The following NR6A1 variants were observed in gnomAD, a reference collection of about 807,000 sequenced individuals.
NR6A1 encodes nuclear receptor subfamily 6 group A member 1, also known as retinoic acid receptor-related testis-associated receptor.
A neutral mutation model predicts 59.1 loss-of-function variants in NR6A1; 7 were observed. That is an observed-to-expected ratio of 0.12 (90% CI 0.07 to 0.22). The LOEUF (loss-of-function observed/expected upper bound fraction) is 0.22, where lower values mean the gene tolerates loss of function less well. Among genes scored for constraint, NR6A1 ranks in the 10% least tolerant of loss-of-function variants. The pLI is 1.00. For missense variants in NR6A1, 468 were observed against 611.6 expected (o/e 0.77, Z 2.48); for synonymous variants, 243 against 236.1 (o/e 1.03, Z -0.27).
At position 124,536,083 on chromosome 9, in the gene NR6A1, C is replaced by T. The variant is rs1240685689; in HGVS notation, c.874G>A (p.Asp292Asn). Reference sequence around the variant, plus strand: ...GCAATCTGCCTAAAGAGCAGCTCGTCGGCCAGGCGGCAAAGCAGGGCAAAT... The same window carrying T: ...GCAATCTGCCTAAAGAGCAGCTCGTTGGCCAGGCGGCAAAGCAGGGCAAAT... ...ELFALLCRLA[D>N]ELLFRQIAWI... Residue 292 changes from aspartate to asparagine, a missense_variant, in exon 7 of 10, where the codon GAC (aspartate) becomes AAC (asparagine). Physicochemically the swap from Asp to Asn is conservative, Grantham distance 23. Coordinates refer to ENST00000487099, the MANE Select transcript of NR6A1 (RefSeq NM_033334.4). The T allele has an allele frequency of 1.2e-6, 2 of 1,614,094 alleles. No homozygotes were observed. The highest frequency in any genetic ancestry group is 1.7e-6 in the Non-Finnish European group (2 of 1,179,970).
At chr9:124,763,027 T>C (rs1404138442) in intron 1 of NR6A1, among the ~76,000 whole-genome samples, 1 of 152,184 alleles carries the variant, frequency 6.6e-6, no homozygotes, top group Non-Finnish European at 1.5e-5. Flanking sequence ...CTGAATCAAG[T>C]ATAGTTTAAT....
intron 2 of NR6A1, among the ~76,000 whole-genome samples, chr9:124,576,375 C>T (rs1173097496): frequency 2.0e-5 from 3 of 152,194 alleles, no homozygotes; most frequent in Non-Finnish European, 2.9e-5. Context: ...GCAACTTCCA[C>T]CTCCCGGGTT....
At position 124,538,161 on chromosome 9, in the gene NR6A1, C is replaced by T; in HGVS notation, c.755G>A (p.Ser252Asn). Residue 252 changes from serine (S) to asparagine (N), a missense_variant, in exon 6 of 10, where the codon AGT becomes AAT. Around this residue, in one of 4 missense-constraint regions of NR6A1, gnomAD observed 151 missense variants for 142.8 expected, o/e 1.06. Coordinates refer to ENST00000487099, the MANE Select transcript of NR6A1 (RefSeq NM_033334.4). ...GGCTGATAACAGCTGGTGAATCAGA[C>T]TGTATGACTGGGGATCCAGGCTGCG... is the stretch of plus-strand genomic sequence containing the variant. ...QARSLDPQSY[S>N]LIHQLLSAED... The T allele has an allele frequency of 6.2e-7, 1 of 1,614,192 alleles. No individual in the cohort carries two copies. The highest frequency in any genetic ancestry group is 8.5e-7 in the Non-Finnish European group (1 of 1,180,018).
intron 2 of NR6A1, among the ~76,000 whole-genome samples, chr9:124,656,510 T>C (rs1407430652): frequency 6.6e-6 from 1 of 152,126 alleles, no homozygotes; most frequent in Non-Finnish European, 1.5e-5. Context: ...ATTCCACTTA[T>C]ATGAGGTATC....
chr9:124,742,301 G>A (rs984087125), intron 1 of NR6A1, among the ~76,000 whole-genome samples: 4 of 152,170 alleles, frequency 2.6e-5, no homozygotes, highest in Non-Finnish European at 4.4e-5. Flanking sequence ...GGTGGCTCAC[G>A]CCTCTAATCC....
Position 124,582,579 on chromosome 9 carries a change from T to TAA in NR6A1, c.143-28011_143-28010dup, listed in dbSNP as rs1011600360. 2.5e-4 allele frequency among the ~76,000 whole-genome samples: 35 copies of TAA among 142,262 alleles called. 1 individual carries two copies. Among genetic ancestry groups the TAA allele is most frequent in the African/African-American group, 8.7e-4 (34 of 38,938 alleles). The allele number at this position is 142,262 out of a possible 152,430, so 93.3% of individuals were successfully genotyped here. On this transcript the variant is annotated intron_variant, in intron 2 of 9. Transcript: ENST00000487099. Reference sequence around the variant, plus strand: ...CACATGTACCCCTGAACTTAAAAGTTAAAAAAAAAAAAAGAAATGGTTCTG... The same window carrying TAA: ...CACATGTACCCCTGAACTTAAAAGTTAAAAAAAAAAAAAAAGAAATGGTTCTG...
intron 7 of NR6A1, among the ~76,000 whole-genome samples, chr9:124,528,070 G>A (rs1183578302): frequency 1.3e-5 from 2 of 152,236 alleles, no homozygotes; most frequent in East Asian, 3.9e-4. Context: ...GCGCACTACA[G>A]GCCTGTGCCA....
intron 2 of NR6A1, among the ~76,000 whole-genome samples, chr9:124,657,995 T>C (rs1389533976): frequency 6.6e-6 from 1 of 152,230 alleles, no homozygotes; most frequent in East Asian, 1.9e-4. Flanking sequence ...TTGGTCTGGA[T>C]ATGAAGCTTG....
In NR6A1 at chr9:124,771,045, G is replaced by A. The variant is rs1023089285; in HGVS notation, c.75C>T (p.Ala25=). The part of the protein sequence containing the change: ...GGSAGFLEPP[A]ALPPPPRNGF... ...CGTTGCGCGGCGGCGGAGGGAGCGC[G>A]GCGGGAGGCTCCAGGAACCCCGCCG... The change falls in exon 1 of 10, where the codon GCC becomes GCT. Residue 25 remains alanine (A), a synonymous_variant. Transcript: ENST00000487099. 8 of 1,230,530 alleles carry A rather than the reference G, an allele frequency of 6.5e-6. No individual in the cohort carries two copies. In the East Asian group the frequency reaches 2.2e-4, roughly 34 times the overall value. 76.2% of individuals were successfully genotyped at this position (1,230,530 alleles called of 1,614,324 possible).
intron 2 of NR6A1, among the ~76,000 whole-genome samples, chr9:124,568,379 G>C (rs1259705277): frequency 1.3e-5 from 2 of 151,330 alleles, no homozygotes; most frequent in Non-Finnish European, 2.9e-5. Context: ...CCAGGTAGTT[G>C]GGAGGCTGAG....
intron 2 of NR6A1, among the ~76,000 whole-genome samples, chr9:124,726,205 G>T (rs181448710): frequency 6.6e-6 from 1 of 152,254 alleles, no homozygotes; most frequent in East Asian, 1.9e-4. Context: ...AGTAGTGACT[G>T]TAACTGTGTA....
At chr9:124,730,903 G>A (rs1248318953) in intron 2 of NR6A1, among the ~76,000 whole-genome samples, 1 of 152,134 alleles carries the variant, frequency 6.6e-6, no homozygotes, top group Non-Finnish European at 1.5e-5. Context: ...ACAAGAACAA[G>A]AGCTATACTT....
At chr9:124,626,457 T>C (rs1836243690) in intron 2 of NR6A1, among the ~76,000 whole-genome samples, 1 of 152,248 alleles carries the variant, frequency 6.6e-6, no homozygotes. Context: ...TCTAGTTTTG[T>C]TTAGAATTCA....
intron 2 of NR6A1, among the ~76,000 whole-genome samples, chr9:124,567,216 C>G (rs990073792): frequency 6.6e-6 from 1 of 152,060 alleles, no homozygotes; most frequent in Non-Finnish European, 1.5e-5. Flanking sequence ...AATGAAGAAT[C>G]TGGGAGTCCT....
At chr9:124,672,650 C>G (rs1313082240) in intron 2 of NR6A1, among the ~76,000 whole-genome samples, 1 of 152,076 alleles carries the variant, frequency 6.6e-6, no homozygotes, top group Non-Finnish European at 1.5e-5. Context: ...TCAAGTTTCC[C>G]AGATGCTACT....
rs570174257 is a variant in NR6A1 at position 124,712,696 on chromosome 9, T to C, written c.142+20612A>G. 6.0e-4 allele frequency among the ~76,000 whole-genome samples: 91 copies of C among 152,012 alleles called. 1 individual carries two copies. The South Asian group carries it at 0.018, about 31-fold the overall frequency. On this transcript the variant is annotated intron_variant, in intron 2 of 9. Coordinates refer to ENST00000487099, the MANE Select transcript of NR6A1 (RefSeq NM_033334.4). Reference sequence around the variant, plus strand: ...TTCTACACATAATCACAAAAATCCATTAACAAAATATTACCAAGTTGAATT... The same window carrying C: ...TTCTACACATAATCACAAAAATCCACTAACAAAATATTACCAAGTTGAATT...
chr9:124,597,279 A>AC (rs1370387384), intron 2 of NR6A1, among the ~76,000 whole-genome samples: 2 of 95,672 alleles, frequency 2.1e-5, no homozygotes, highest in Non-Finnish European at 4.1e-5. Context: ...CAGCTTTCCC[A>AC]CCCCCCACCC....
intron 2 of NR6A1, among the ~76,000 whole-genome samples, chr9:124,609,638 C>A (rs776663747): frequency 6.6e-6 from 1 of 152,128 alleles, no homozygotes; most frequent in Non-Finnish European, 1.5e-5. Flanking sequence ...TTTCCTAATT[C>A]TTTGAAGAAT....
chr9:124,582,117 T>C (rs1276416124), intron 2 of NR6A1, among the ~76,000 whole-genome samples: 1 of 152,192 alleles, frequency 6.6e-6, no homozygotes, highest in African/African-American at 2.4e-5. Flanking sequence ...TAAAGACATA[T>C]GTACATGTAC....
Sources: gnomAD v4.1 joint callset for allele counts (sites outside exome capture counted in the v4.1 genomes callset) on GRCh38, gnomAD v4.1.1 for gene constraint, gnomAD v4.1.1 regional missense constraint, MANE v1.5 for transcripts, NCBI Gene and HGNC (gene_info 2026-07-23, HGNC 2026-07-21) for gene names.